Variants in SLC24A1 observed in about 807,000 individuals in gnomAD.
The protein encoded by SLC24A1 is sodium/potassium/calcium exchanger 1.
Under a neutral mutation model 88.1 loss-of-function variants are expected in SLC24A1, and 52 were observed. The observed-to-expected ratio is 0.59, with a 90% CI of 0.47 to 0.74. SLC24A1 has a LOEUF of 0.74. Ranked by LOEUF, SLC24A1 falls within the 30% of genes least tolerant of loss-of-function variation. The pLI is 0.00. For missense variants in SLC24A1, 1,173 were observed against 1,363.3 expected (o/e 0.86, Z 2.20); for synonymous variants, 455 against 498.0 (o/e 0.91, Z 1.15).
In SLC24A1 at chr15:65,654,403, G is replaced by A. The variant is rs1280296846; in HGVS notation, c.*324G>A. 12 of 1,172,496 alleles carry A rather than the reference G, an allele frequency of 1.0e-5. No individual in the cohort carries two copies. The Admixed American group carries it at 1.8e-4, about 17-fold the overall frequency. The allele number at this position is 1,172,496 out of a possible 1,614,324, so 72.6% of individuals were successfully genotyped here. A position where few individuals can be genotyped will look rare whatever the true frequency, so the allele number is the denominator to read the frequency against. ...ACTGGGGGCAAAGGTTGGGATAGGC[G>A]CAGCAGCTATAAGACAAGCTCCTAC... is the stretch of plus-strand genomic sequence containing the variant. On this transcript the variant is annotated 3_prime_UTR_variant, in exon 10 of 10. Coordinates refer to ENST00000261892, the MANE Select transcript of SLC24A1 (RefSeq NM_004727.3).
chr15:65,626,775 A>T (rs2074534542), intron 2 of SLC24A1, among the ~76,000 whole-genome samples: 1 of 151,414 alleles, frequency 6.6e-6, no homozygotes, highest in Non-Finnish European at 1.5e-5. Flanking sequence ...CTGAAAATTC[A>T]TTCCAAAATT....
In SLC24A1 at chr15:65,645,627, A is replaced by G. The variant is rs2141658931; in HGVS notation, c.2156A>G (p.Lys719Arg). The part of the protein sequence containing the change: ...ESKPEEEEPA[K>R]LPAVTVTPAP... The stretch of plus-strand genomic sequence containing the variant: ...TCCTTTAAAGAGGAGGAGCCAGCCA[A>G]GCTCCCTGCGGTCACGGTCACACCA... Residue 719 changes from lysine (K) to arginine (R), a missense_variant, in exon 6 of 10, where the codon AAG becomes AGG. By Grantham distance (26) the Lys-to-Arg change is conservative. Coordinates refer to ENST00000261892, the MANE Select transcript of SLC24A1 (RefSeq NM_004727.3). 1.3e-6 allele frequency: 2 copies of G among 1,571,904 alleles called. No homozygotes were observed. The highest frequency in any genetic ancestry group is 1.7e-6 in the Non-Finnish European group (2 of 1,158,474).
intron 2 of SLC24A1, among the ~76,000 whole-genome samples, chr15:65,636,526 G>A (rs1188098388): frequency 1.3e-5 from 2 of 152,020 alleles, no homozygotes; most frequent in Non-Finnish European, 2.9e-5. Flanking sequence ...AGGCCACAAT[G>A]AGCCATGATT....
chr15:65,632,562 A>G (rs1026448493), intron 2 of SLC24A1, among the ~76,000 whole-genome samples: 1 of 152,226 alleles, frequency 6.6e-6, no homozygotes, highest in Non-Finnish European at 1.5e-5. Flanking sequence ...TGAATCACCA[A>G]CAAATGTATG....
intron 6 of SLC24A1, among the ~76,000 whole-genome samples, chr15:65,647,127 C>T (rs775467982): frequency 2.0e-5 from 3 of 152,148 alleles, no homozygotes; most frequent in Admixed American, 1.3e-4. Context: ...TAACCCCAAG[C>T]TACAATCCCA....
chr15:65,653,448 T>C (rs1047102974), intron 9 of SLC24A1, among the ~76,000 whole-genome samples: 13 of 151,902 alleles, frequency 8.6e-5, no homozygotes, highest in Admixed American at 6.6e-4. Flanking sequence ...AATGTAGAGA[T>C]TTAAGAGTAC....
At chr15:65,660,863 A>C (rs1246852198), downstream of SLC24A1, 1 of 152,180 alleles carries the variant, frequency 6.6e-6, no homozygotes, top group Non-Finnish European at 1.5e-5. Context: ...TTTCAGATAA[A>C]TATTCTATAG....
downstream of SLC24A1, chr15:65,659,110 G>A (rs1051186578): frequency 1.3e-5 from 2 of 152,092 alleles, no homozygotes; most frequent in Admixed American, 6.6e-5. Context: ...ATGGTAGGAC[G>A]TAGTAAACAA....
rs1300353216 is a variant in SLC24A1, at chr15:65,650,983, C to G, written c.2793+41C>G. ...TGTATCTCAGACTCTTTATCCCCAG[C>G]AGGGCTGTGGGGTCTCTCGGCATGC... On this transcript the variant is annotated intron_variant, in intron 7 of 9. Transcript: ENST00000261892. The surrounding 1 kb of genome is among the most constrained non-coding windows in gnomAD (Gnocchi z 4.1). 2.6e-6 allele frequency: 4 copies of G among 1,567,312 alleles called. No individual in the cohort carries two copies. The Admixed American group carries it at 5.0e-5, about 20-fold the overall frequency.
At chr15:65,626,251 C>T (rs534878213) in intron 2 of SLC24A1, among the ~76,000 whole-genome samples, 4 of 152,318 alleles carry the variant, frequency 2.6e-5, no homozygotes, top group African/African-American at 9.6e-5. Flanking sequence ...AGTTAAACCA[C>T]ATGTTCAAGG....
At chr15:65,623,841 G>A (rs2074404509) in intron 1 of SLC24A1, 114 bp from the exon 2 acceptor site, 1 of 470,538 alleles carries the variant, frequency 2.1e-6, no homozygotes, top group South Asian at 4.6e-5. Flanking sequence ...AAGACCCCAT[G>A]CATGATACTT....
chr15:65,632,367 T>C (rs1435411833), intron 2 of SLC24A1, among the ~76,000 whole-genome samples: 2 of 152,104 alleles, frequency 1.3e-5, no homozygotes, highest in African/African-American at 4.8e-5. Context: ...ATGCTGATCT[T>C]TTTGGCTTGA....
chr15:65,639,680 A>G lies in SLC24A1; in HGVS notation c.2030A>G (p.His677Arg). ...AGCACCATCTACCAGCTCATGCTCC[A>G]CAGCCTGGACCCCCTGAGGGAAGGT... ...IRSTIYQLML[H>R]SLDPLREVRL... The change falls in exon 4 of 10, where the codon CAC becomes CGC. Residue 677 changes from histidine to arginine, a missense_variant. Coordinates refer to ENST00000261892, the MANE Select transcript of SLC24A1 (RefSeq NM_004727.3). 6.2e-7 allele frequency: 1 copy of G among 1,612,276 alleles called. No homozygotes were observed. Among genetic ancestry groups the G allele is most frequent in the Non-Finnish European group, 8.5e-7 (1 of 1,179,126 alleles).
At chr15:65,649,797 G>A (rs1029171697) in intron 6 of SLC24A1, among the ~76,000 whole-genome samples, 10 of 152,194 alleles carry the variant, frequency 6.6e-5, no homozygotes, top group Non-Finnish European at 1.2e-4. Context: ...AATGCATTGT[G>A]ACCACCAAAG....
intron 2 of SLC24A1, among the ~76,000 whole-genome samples, chr15:65,616,511 G>A (rs1331758117): frequency 6.6e-6 from 1 of 152,174 alleles, no homozygotes; most frequent in Non-Finnish European, 1.5e-5. Flanking sequence ...GTGCCTCTTG[G>A]CTGCATAGAT....
intron 2 of SLC24A1, among the ~76,000 whole-genome samples, chr15:65,635,550 G>A (rs903167358): frequency 1.3e-5 from 2 of 151,502 alleles, no homozygotes; most frequent in East Asian, 1.9e-4. Context: ...GTTCAGTGCT[G>A]TAGCCTCTTA....
At chr15:65,659,325 T>TG (rs2075779929), downstream of SLC24A1, 1 of 82,782 alleles carries the variant, frequency 1.2e-5, no homozygotes, top group African/African-American at 7.1e-5. Flanking sequence ...TTTTCTGGTT[T>TG]TTTTTTTTTT....
chr15:65,628,941 G>A (rs2074611081), intron 2 of SLC24A1, among the ~76,000 whole-genome samples: 1 of 152,218 alleles, frequency 6.6e-6, no homozygotes, highest in Non-Finnish European at 1.5e-5. Context: ...GATGAGCTAT[G>A]TAGAAGTTGG....
chr15:65,647,330 T>G (rs1464908815), intron 6 of SLC24A1, among the ~76,000 whole-genome samples: 1 of 151,590 alleles, frequency 6.6e-6, no homozygotes, highest in East Asian at 1.9e-4. Flanking sequence ...ATACAAAAAT[T>G]AGCCGGGTGT....
Sources: allele counts gnomAD v4.1 joint callset (sites outside exome capture counted in the v4.1 genomes callset), GRCh38; gene constraint gnomAD v4.1.1; non-coding constraint Gnocchi (gnomAD v3.1); transcripts MANE v1.5; gene names NCBI Gene and HGNC (gene_info 2026-07-23, HGNC 2026-07-21).